Variants in RBM25 observed in about 807,000 individuals in gnomAD.
RBM25 encodes RNA binding motif protein 25.
A neutral mutation model predicts 120.7 loss-of-function variants in RBM25; 19 were observed. That is an observed-to-expected ratio of 0.16 (90% CI 0.11 to 0.23). The LOEUF is 0.23. RBM25 is among the 10% of genes least tolerant of loss of function. The probability of loss-of-function intolerance (pLI) is 1.00; values close to 1 mark genes in which losing one functional copy is unlikely to be tolerated. For missense variants in RBM25, 605 were observed against 1,041.5 expected (o/e 0.58, Z 5.77); for synonymous variants, 390 against 326.7 (o/e 1.19, Z -2.09).
intron 12 of RBM25, among the ~76,000 whole-genome samples, chr14:73,106,633 G>T (rs571170606): frequency 7.2e-5 from 11 of 152,112 alleles, no homozygotes; most frequent in Admixed American, 1.3e-4. Context: ...TTGAAATTCC[G>T]TAAGTTAAGA....
In RBM25 at chr14:73,121,066, A is replaced by G. The variant is rs1485603679; in HGVS notation, c.*1261A>G. ...TTCACCAGGGAGTAAAATTACCTGA[A>G]AACGTAAGAAGTTTTAAACAGCTTT... On this transcript the variant is annotated 3_prime_UTR_variant, in exon 19 of 19. Coordinates refer to ENST00000261973, the MANE Select transcript of RBM25 (RefSeq NM_021239.3). 1 of 152,346 alleles carries G rather than the reference A, an allele frequency of 6.6e-6. No individual in the cohort carries two copies. Among genetic ancestry groups the G allele is most frequent in the Non-Finnish European group, 1.5e-5 (1 of 68,014 alleles). 9.4% of individuals were successfully genotyped at this position (152,346 alleles called of 1,614,324 possible).
intron 18 of RBM25, among the ~76,000 whole-genome samples, chr14:73,117,338 TCTC>T (rs1896457208): frequency 6.7e-6 from 1 of 148,324 alleles, no homozygotes. Context: ...TTCAAGCAAT[TCTC>T]CTGCTTCAGC....
At chr14:73,108,387 C>G (rs957858794) in intron 13 of RBM25, among the ~76,000 whole-genome samples, 1 of 152,198 alleles carries the variant, frequency 6.6e-6, no homozygotes, top group African/African-American at 2.4e-5. Flanking sequence ...CAACGAATCT[C>G]TGTAACTATC....
chr14:73,117,205 CTTTTCTTTTTTTTTTTTTTTT>C (rs1896450181), intron 18 of RBM25, among the ~76,000 whole-genome samples: 1 of 36,564 alleles, frequency 2.7e-5, no homozygotes, highest in Non-Finnish European at 5.7e-5. Flanking sequence ...TTTCTTTCTT[CTTTTCTTTTTTTTTTTTTTTT>C]TTTTTTTTTT....
intron 4 of RBM25, among the ~76,000 whole-genome samples, chr14:73,082,555 T>C (rs1895587535): frequency 6.6e-6 from 1 of 152,058 alleles, no homozygotes; most frequent in African/African-American, 2.4e-5. Flanking sequence ...CCTCCCAAAG[T>C]GTTGGGATTA....
chr14:73,107,725 GGTTTAT>G (rs1896220676), intron 12 of RBM25, 95 bp from the exon 13 acceptor site: 1 of 821,616 alleles, frequency 1.2e-6, no homozygotes. Context: ...TCTTACTCTT[GGTTTAT>G]GTCTGGGTCA....
At chr14:73,098,604 T>C (rs944156312) in intron 7 of RBM25, among the ~76,000 whole-genome samples, 21 of 152,328 alleles carry the variant, frequency 1.4e-4, no homozygotes, top group Admixed American at 5.2e-4. Flanking sequence ...ATTTGGTATG[T>C]GTTTCCTCGT....
At chr14:73,105,144 T>TTTTTTTTTTTTG (rs1896156284) in intron 10 of RBM25, among the ~76,000 whole-genome samples, 1 of 126,376 alleles carries the variant, frequency 7.9e-6, no homozygotes, top group African/African-American at 2.7e-5. Context: ...TTTTTTTTTT[T>TTTTTTTTTTTTG]GGAGACGGGC....
In RBM25 at chr14:73,119,759, T is replaced by C; in HGVS notation, c.2486T>C (p.Leu829Ser). The change falls in exon 19 of 19, where the codon TTA (leucine) becomes TCA (serine). Residue 829 changes from leucine to serine, a missense_variant. Around this residue, in one of 4 missense-constraint regions of RBM25, gnomAD observed 23 missense variants for 83.2 expected, o/e 0.28. Transcript: ENST00000261973. ...AEVFIVKMWRLLIYETEAKKI... is the reference protein window; with the variant it reads ...AEVFIVKMWRSLIYETEAKKI... Reference sequence around the variant, plus strand: ...GTTTTTATAGTCAAAATGTGGAGATTATTGATATATGAAACAGAAGCCAAG... The same window carrying C: ...GTTTTTATAGTCAAAATGTGGAGATCATTGATATATGAAACAGAAGCCAAG... 6.2e-7 allele frequency: 1 copy of C among 1,611,556 alleles called. No homozygotes were observed. Among genetic ancestry groups the C allele is most frequent in the Non-Finnish European group, 8.5e-7 (1 of 1,179,454 alleles).
chr14:73,078,352 T>C (rs1193055871), intron 4 of RBM25, among the ~76,000 whole-genome samples: 2 of 151,152 alleles, frequency 1.3e-5, no homozygotes, highest in African/African-American at 4.9e-5. Context: ...AAAAGCCAGG[T>C]GTGGTGATGC....
At chr14:73,076,263 ATGT>A in intron 2 of RBM25, 53 bp from the exon 3 acceptor site, 3 of 1,364,832 alleles carry the variant, frequency 2.2e-6, no homozygotes, top group Non-Finnish European at 3.1e-6. Context: ...ATTGTGTGGC[ATGT>A]TGTTGATAGA....
chr14:73,095,707 C>T (rs918217270), intron 6 of RBM25, among the ~76,000 whole-genome samples: 1 of 152,042 alleles, frequency 6.6e-6, no homozygotes, highest in Non-Finnish European at 1.5e-5. Flanking sequence ...TTGTGGTCAA[C>T]TTATAAAGTT....
In RBM25 at chr14:73,123,216, TGA is replaced by T. The variant is rs1896565943; in HGVS notation, c.*3414_*3415del. The T allele has an allele frequency of 6.6e-6, 1 of 152,052 alleles. No individual in the cohort carries two copies. The highest frequency in any genetic ancestry group is 1.5e-5 in the Non-Finnish European group (1 of 68,018). The allele number at this position is 152,052 out of a possible 1,614,324, so 9.4% of individuals were successfully genotyped here. On this transcript the variant is annotated 3_prime_UTR_variant, in exon 19 of 19. Coordinates refer to ENST00000261973, the MANE Select transcript of RBM25 (RefSeq NM_021239.3). ...TGAATACTAGATATAGTAGAAAAAC[TGA>T]GAAAACATTTAGCTTGAGAGCCAAT...
intron 1 of RBM25, chr14:73,069,718 G>A (rs1244654202): frequency 6.1e-5 from 7 of 115,438 alleles, no homozygotes; most frequent in Admixed American, 1.3e-4. Flanking sequence ...ACAGGCATGA[G>A]CCACCGTGCC....
intron 7 of RBM25, among the ~76,000 whole-genome samples, chr14:73,098,480 A>G (rs1895995108): frequency 6.6e-6 from 1 of 152,076 alleles, no homozygotes. Flanking sequence ...ACTACGTGGT[A>G]TATATATTAT....
chr14:73,099,565 T>G, intron 8 of RBM25, 102 bp from the exon 9 acceptor site: 2 of 1,584,868 alleles, frequency 1.3e-6, no homozygotes, highest in South Asian at 2.3e-5. Context: ...TTCTGTTTAC[T>G]TATTTACTCT....
intron 17 of RBM25, among the ~76,000 whole-genome samples, chr14:73,112,971 T>TA (rs916298511): frequency 4.7e-5 from 7 of 149,508 alleles, no homozygotes; most frequent in Admixed American, 4.7e-4. Flanking sequence ...ACCCTGCTAA[T>TA]TTTTTTTTTC....
Position 73,114,349 on chromosome 14 carries a change from A to G in RBM25, c.2439+16A>G. 6.5e-7 allele frequency: 1 copy of G among 1,545,904 alleles called. No individual in the cohort carries two copies. ...TGTTGCCATGGTAAGTTAGAAATTC[A>G]CTATTTTTATTTCTTTTAATTTAAA... On this transcript the variant is annotated intron_variant, in intron 18 of 18. Transcript: ENST00000261973.
At chr14:73,117,666 G>T (rs952654239) in intron 18 of RBM25, among the ~76,000 whole-genome samples, 2 of 152,190 alleles carry the variant, frequency 1.3e-5, no homozygotes, top group African/African-American at 4.8e-5. Context: ...CTTTAGAGGT[G>T]AGGGAACTGA....
Sources: allele counts gnomAD v4.1 joint callset (sites outside exome capture counted in the v4.1 genomes callset), GRCh38; gene constraint gnomAD v4.1.1; regional missense constraint gnomAD v4.1.1; transcripts MANE v1.5; gene names NCBI Gene and HGNC (gene_info 2026-07-23, HGNC 2026-07-21).